Variants in ZNF146 observed in about 807,000 individuals in gnomAD.
ZNF146 encodes zinc finger protein OZF.
ZNF146 carries 9 observed loss-of-function variants against 22.2 expected under a neutral mutation model. The observed-to-expected ratio is 0.41, with a 90% confidence interval of 0.24 to 0.71. ZNF146 has a LOEUF of 0.71. ZNF146 is among the 30% of genes least tolerant of loss of function. The pLI is 0.34. For synonymous variants in ZNF146, 108 were observed against 119.2 expected, an observed-to-expected ratio of 0.91 and a Z score of 0.61; for missense variants, 194 against 344.8, an observed-to-expected ratio of 0.56 and a Z score of 3.46.
chr19:36,222,976 C>G (rs1442044569), intron 2 of ZNF146, among the ~76,000 whole-genome samples: 1 of 151,788 alleles, frequency 6.6e-6, no homozygotes, highest in African/African-American at 2.4e-5. Context: ...CACCAAAGAC[C>G]TTTTTATTCA....
intron 3 of ZNF146, among the ~76,000 whole-genome samples, chr19:36,233,143 G>T (rs1977462540): frequency 6.6e-6 from 1 of 152,232 alleles, no homozygotes; most frequent in Admixed American, 6.5e-5. Flanking sequence ...CAGCACTTGG[G>T]AGGCAGATAC....
rs918797956 is a variant in ZNF146, at chr19:36,237,486, G to A, written c.*167G>A. 39 of 754,534 alleles carry A rather than the reference G, an allele frequency of 5.2e-5. No homozygotes were observed. The East Asian group carries it at 8.6e-4, about 17-fold the overall frequency. The allele number at this position is 754,534 out of a possible 1,614,324, so 46.7% of individuals were successfully genotyped here. A position where few individuals can be genotyped will look rare whatever the true frequency, so the allele number is the denominator to read the frequency against. On this transcript the variant is annotated 3_prime_UTR_variant, in exon 4 of 4. Coordinates refer to ENST00000443387, the MANE Select transcript of ZNF146 (RefSeq NM_007145.3). ...AAATTTGTACTGAAGAGAAAGACAT[G>A]CATATGATTAAAACCCTGTGTCCAA... is the stretch of plus-strand genomic sequence containing the variant.
At chr19:36,229,784 G>T (rs1301936206) in intron 3 of ZNF146, among the ~76,000 whole-genome samples, 5 of 152,196 alleles carry the variant, frequency 3.3e-5, no homozygotes, top group African/African-American at 1.2e-4. Flanking sequence ...CAGTGGCACA[G>T]TCTTGGCTCA....
At chr19:36,233,445 T>C (rs1040515821) in intron 3 of ZNF146, among the ~76,000 whole-genome samples, 3 of 151,766 alleles carry the variant, frequency 2.0e-5, no homozygotes, top group South Asian at 2.1e-4. Flanking sequence ...AAACAAAGTA[T>C]AGAGAAAGAA....
intron 2 of ZNF146, among the ~76,000 whole-genome samples, chr19:36,219,492 C>A (rs1976748721): frequency 6.6e-6 from 1 of 152,050 alleles, no homozygotes; most frequent in South Asian, 2.1e-4. Context: ...GGTTCTAATT[C>A]AGAATCTCTG....
At position 36,236,447 on chromosome 19, in the gene ZNF146, C is replaced by G. The variant is rs755240566; in HGVS notation, c.7C>G (p.His3Asp). 2.1e-5 allele frequency: 34 copies of G among 1,599,430 alleles called. No homozygotes were observed. The highest frequency in any genetic ancestry group is 2.8e-5 in the Non-Finnish European group (33 of 1,172,700). Residue 3 changes from histidine to aspartate, a missense_variant, in exon 4 of 4, where the codon CAC becomes GAC. Around this residue, in one of 2 missense-constraint regions of ZNF146, gnomAD observed 47 missense variants for 44.7 expected, o/e 1.05. Transcript: ENST00000443387. MS[H>D]LSQQRIYSGE... is the part of the protein sequence containing the mutation. ...TGGGAAAGCTTCCATTCAGATGTCACACCTCAGCCAGCAGAGAATTTACAG... is the reference window on the plus strand; with the variant it reads ...TGGGAAAGCTTCCATTCAGATGTCAGACCTCAGCCAGCAGAGAATTTACAG...
Position 36,228,277 on chromosome 19 carries a change from C to T in ZNF146, c.-854-471C>T, listed in dbSNP as rs1017444113. Among the ~76,000 whole-genome samples, 3 of 146,090 alleles carry T rather than the reference C, an allele frequency of 2.1e-5. No homozygotes were observed. In the Admixed American group the frequency reaches 2.1e-4, roughly 10 times the overall value. The stretch of plus-strand genomic sequence containing the variant: ...GAGTACTGTCAGAACAACTTCTTCA[C>T]ATTGTGCCCATGTGCTTTAGTTCTG... On this transcript the variant is annotated intron_variant, in intron 2 of 3. Transcript: ENST00000443387.
chr19:36,215,438 G>A (rs1226083044), intron 1 of ZNF146, among the ~76,000 whole-genome samples: 2 of 152,140 alleles, frequency 1.3e-5, no homozygotes, highest in Admixed American at 6.6e-5. Context: ...GTGTGTGATT[G>A]TGCCTAAGAG....
upstream of ZNF146, chr19:36,214,985 C>A: frequency 6.6e-6 from 1 of 152,390 alleles, no homozygotes. Context: ...GAAATGTAGT[C>A]CAAGGCCTGA....
intron 3 of ZNF146, 131 bp downstream of exon 3, chr19:36,228,950 T>C (rs1266108370): frequency 6.6e-6 from 1 of 152,242 alleles, no homozygotes; most frequent in Non-Finnish European, 1.5e-5. Flanking sequence ...GATTCCTGAA[T>C]GACGCTTCCA....
At chr19:36,221,009 C>T (rs765375939) in intron 2 of ZNF146, among the ~76,000 whole-genome samples, 21 of 151,792 alleles carry the variant, frequency 1.4e-4, no homozygotes, top group East Asian at 2.0e-4. Context: ...CCCACCATGA[C>T]GCCTAGCTAA....
chr19:36,219,050 C>T (rs901522559), intron 2 of ZNF146, among the ~76,000 whole-genome samples: 6 of 152,042 alleles, frequency 3.9e-5, no homozygotes, highest in African/African-American at 1.4e-4. Context: ...CCTCGTGATC[C>T]GCCCACCTCG....
intron 3 of ZNF146, among the ~76,000 whole-genome samples, chr19:36,229,118 T>C (rs1219306385): frequency 1.3e-5 from 2 of 152,240 alleles, no homozygotes; most frequent in African/African-American, 4.8e-5. Flanking sequence ...TTTCCTGTCC[T>C]CACACATTGT....
At chr19:36,234,774 G>A (rs1020989265) in intron 3 of ZNF146, among the ~76,000 whole-genome samples, 5 of 152,126 alleles carry the variant, frequency 3.3e-5, no homozygotes, top group African/African-American at 9.7e-5. Context: ...TCTGATTTCC[G>A]TATAGCAGCT....
At chr19:36,221,413 C>G (rs1323800851) in intron 2 of ZNF146, among the ~76,000 whole-genome samples, 1 of 151,138 alleles carries the variant, frequency 6.6e-6, no homozygotes, top group Non-Finnish European at 1.5e-5. Flanking sequence ...CTCAGCCTCC[C>G]GAGTAGCTGG....
intron 2 of ZNF146, among the ~76,000 whole-genome samples, chr19:36,226,225 G>A (rs1486951934): frequency 6.6e-6 from 1 of 152,176 alleles, no homozygotes; most frequent in Non-Finnish European, 1.5e-5. Context: ...CCTACACTCT[G>A]AATGTATAGA....
Position 36,237,112 on chromosome 19 carries a change from C to T in ZNF146, c.672C>T (p.Ser224=), listed in dbSNP as rs1977671533. ...CNVCGKAFSQ[S]SSLTVHVRSH... is the part of the protein sequence containing the mutation. Reference sequence around the variant, plus strand: ...TTTGTGGAAAAGCCTTCTCTCAGAGCTCATCTCTCACTGTGCATGTGAGAA... The same window carrying T: ...TTTGTGGAAAAGCCTTCTCTCAGAGTTCATCTCTCACTGTGCATGTGAGAA... The change falls in exon 4 of 4, where the codon AGC becomes AGT. Residue 224 remains serine (S), a synonymous_variant. Coordinates refer to ENST00000443387, the MANE Select transcript of ZNF146 (RefSeq NM_007145.3). 6.2e-7 allele frequency: 1 copy of T among 1,614,174 alleles called. No homozygotes were observed. The highest frequency in any genetic ancestry group is 8.5e-7 in the Non-Finnish European group (1 of 1,180,022).
intron 2 of ZNF146, among the ~76,000 whole-genome samples, chr19:36,228,158 CAAA>C (rs71171422): frequency 1.3e-4 from 14 of 106,610 alleles, no homozygotes; most frequent in African/African-American, 8.1e-5. Flanking sequence ...GAAACTGTCT[CAAA>C]AAAAAAAAAA....
intron 2 of ZNF146, among the ~76,000 whole-genome samples, chr19:36,224,685 G>A (rs536171887): frequency 2.6e-5 from 4 of 152,298 alleles, no homozygotes; most frequent in Non-Finnish European, 5.9e-5. Flanking sequence ...CGTTCCAGAG[G>A]GGGAAAAGGT....
Sources: allele counts gnomAD v4.1 joint callset (sites outside exome capture counted in the v4.1 genomes callset), GRCh38; gene constraint gnomAD v4.1.1; regional missense constraint gnomAD v4.1.1; transcripts MANE v1.5; gene names NCBI Gene and HGNC (gene_info 2026-07-23, HGNC 2026-07-21).